The following VPS41 variants were observed in gnomAD, a reference collection of about 807,000 sequenced individuals.
VPS41 encodes the protein VPS41 subunit of HOPS complex, also known as vacuolar protein sorting-associated protein 41 homolog.
A neutral mutation model predicts 130.9 loss-of-function variants in VPS41; 85 were observed. The ratio of observed to expected loss-of-function variants is 0.65; its 90% CI spans 0.55 to 0.78. The LOEUF is 0.78. Ranked by LOEUF, VPS41 falls within the 30% of genes least tolerant of loss-of-function variation. VPS41 has a pLI of 0.00. For missense variants in VPS41, 874 were observed against 1,018.7 expected, an observed-to-expected ratio of 0.86 and a Z score of 1.93; for synonymous variants, 335 against 332.9, an observed-to-expected ratio of 1.01 and a Z score of -0.07.
At chr7:38,817,163 A>G (rs1473268416) in intron 7 of VPS41, among the ~76,000 whole-genome samples, 25 of 150,336 alleles carry the variant, frequency 1.7e-4, no homozygotes, top group Admixed American at 1.7e-3. Context: ...TTCTACAAGG[A>G]AAAAAAAAAT....
At chr7:38,901,986 G>A (rs901517596) in intron 1 of VPS41, among the ~76,000 whole-genome samples, 1 of 152,214 alleles carries the variant, frequency 6.6e-6, no homozygotes, top group African/African-American at 2.4e-5. Flanking sequence ...AAGATACCCA[G>A]TGACACAAAT....
At chr7:38,750,840 A>G (rs1168527407) in intron 22 of VPS41, among the ~76,000 whole-genome samples, 2 of 152,230 alleles carry the variant, frequency 1.3e-5, no homozygotes, top group African/African-American at 4.8e-5. Flanking sequence ...TCTCTGTCTC[A>G]GAGGTCAATG....
intron 7 of VPS41, among the ~76,000 whole-genome samples, chr7:38,806,082 T>C (rs547242547): frequency 5.9e-5 from 9 of 152,118 alleles, no homozygotes; most frequent in South Asian, 2.1e-4. Context: ...AATTCAAATA[T>C]ACTATAAAAT....
In VPS41 at chr7:38,726,214, T is replaced by C. The variant is rs1562561521; in HGVS notation, c.*32A>G. The C allele has an allele frequency of 5.5e-6, 8 of 1,467,704 alleles. No homozygotes were observed. The highest frequency in any genetic ancestry group is 1.4e-5 in the African/African-American group (1 of 72,138). The allele number at this position is 1,467,704 out of a possible 1,614,324, so 90.9% of individuals were successfully genotyped here. ...GTTGCAAAAACAGTCTCAAAAAGAGTGGTGACAAGGAGACTGACAAGGAGA... is the reference window on the plus strand; with the variant it reads ...GTTGCAAAAACAGTCTCAAAAAGAGCGGTGACAAGGAGACTGACAAGGAGA... On this transcript the variant is annotated 3_prime_UTR_variant, in exon 29 of 29. Transcript: ENST00000310301.
In VPS41 at chr7:38,850,239, G is replaced by A. The variant is rs184072467; in HGVS notation, c.246+12306C>T. On this transcript the variant is annotated intron_variant, in intron 4 of 28. Coordinates refer to ENST00000310301, the MANE Select transcript of VPS41 (RefSeq NM_014396.4). ...TTGCCAAGTTGATGGTTATAAAATG[G>A]TACCATATTGTCTTACTTCACATTT... Among the ~76,000 whole-genome samples the A allele has an allele frequency of 3.9e-5, 6 of 152,234 alleles. No homozygotes were observed. In the East Asian group the frequency reaches 1.2e-3, roughly 29 times the overall value.
At chr7:38,768,972 C>T (rs758154215) in intron 14 of VPS41, among the ~76,000 whole-genome samples, 3 of 138,340 alleles carry the variant, frequency 2.2e-5, no homozygotes, top group African/African-American at 7.0e-5. Context: ...TTCCCCTTCA[C>T]AGCTAACCTG....
chr7:38,893,312 C>T (rs191990192), intron 2 of VPS41, among the ~76,000 whole-genome samples: 4 of 152,332 alleles, frequency 2.6e-5, no homozygotes, highest in Admixed American at 2.6e-4. Context: ...CTCCCAGCTT[C>T]GCTGCCCAGA....
chr7:38,872,655 T>C (rs1379179284), intron 2 of VPS41, among the ~76,000 whole-genome samples: 1 of 152,208 alleles, frequency 6.6e-6, no homozygotes, highest in Admixed American at 6.5e-5. Context: ...TACACATTTC[T>C]ATGAAAAGGT....
At chr7:38,894,269 T>G (rs1172056891) in intron 2 of VPS41, among the ~76,000 whole-genome samples, 1 of 151,882 alleles carries the variant, frequency 6.6e-6, no homozygotes, top group East Asian at 1.9e-4. Flanking sequence ...TCAAACTGAG[T>G]AAAAAAACTC....
intron 4 of VPS41, among the ~76,000 whole-genome samples, chr7:38,834,279 C>A (rs1785447344): frequency 6.6e-6 from 1 of 152,144 alleles, no homozygotes; most frequent in Non-Finnish European, 1.5e-5. Flanking sequence ...AACATTTCTC[C>A]ATTTATTTAG....
At chr7:38,758,505 A>G (rs1562574875) in intron 17 of VPS41, 24 bp from the exon 18 acceptor site, 1 of 1,598,778 alleles carries the variant, frequency 6.3e-7, no homozygotes, top group Non-Finnish European at 8.5e-7. Flanking sequence ...AAAAACAGAA[A>G]AAGAACACTC....
chr7:38,733,210 C>T (rs1243843059), intron 25 of VPS41, among the ~76,000 whole-genome samples: 2 of 152,156 alleles, frequency 1.3e-5, no homozygotes, highest in African/African-American at 4.8e-5. Context: ...ATTTTGACTA[C>T]CAATGTAATT....
chr7:38,735,218 T>A (rs1239566460), intron 25 of VPS41, among the ~76,000 whole-genome samples: 1 of 152,180 alleles, frequency 6.6e-6, no homozygotes, highest in Non-Finnish European at 1.5e-5. Context: ...AAAGTTTATT[T>A]CATGAACATA....
chr7:38,728,602 C>A lies in VPS41; in HGVS notation c.2360-16G>T, dbSNP rs199675170. On this transcript the variant is annotated splice_polypyrimidine_tract_variant and intron_variant, in intron 26 of 28. Coordinates refer to ENST00000310301, the MANE Select transcript of VPS41 (RefSeq NM_014396.4). ...ATGTTCTCCTCTGTAAGAAAACACA[C>A]ATACTTTGGATTATGCCCTGTTTAT... 6.2e-7 allele frequency: 1 copy of A among 1,614,120 alleles called. No homozygotes were observed. The highest frequency in any genetic ancestry group is 1.3e-5 in the African/African-American group (1 of 75,034).
At chr7:38,797,119 A>C in intron 7 of VPS41, 1 of 321,480 alleles carries the variant, frequency 3.1e-6, no homozygotes, top group Non-Finnish European at 5.8e-6. Context: ...TGGCACCAAA[A>C]CACCAAGATT....
chr7:38,784,085 C>G (rs557223978), intron 10 of VPS41, among the ~76,000 whole-genome samples: 141 of 152,296 alleles, frequency 9.3e-4, no homozygotes, highest in Non-Finnish European at 1.5e-3. Context: ...AAAGAAACCA[C>G]TATTTTTCTC....
At chr7:38,750,514 T>G (rs968533058) in intron 22 of VPS41, among the ~76,000 whole-genome samples, 9 of 152,200 alleles carry the variant, frequency 5.9e-5, no homozygotes, top group Non-Finnish European at 4.4e-5. Context: ...CATAATTGGT[T>G]TTACTATGCT....
At chr7:38,765,697 T>A (rs774617075) in intron 15 of VPS41, 36 bp from the exon 16 acceptor site, 1 of 1,427,200 alleles carries the variant, frequency 7.0e-7, no homozygotes, top group Non-Finnish European at 9.6e-7. Context: ...AAAGAAAGTA[T>A]ATATTAAAAA....
chr7:38,880,166 T>A (rs1228166656), intron 2 of VPS41, among the ~76,000 whole-genome samples: 1 of 152,108 alleles, frequency 6.6e-6, no homozygotes, highest in African/African-American at 2.4e-5. Flanking sequence ...GAATGTGAAA[T>A]ACTAAAAATA....
Sources: allele counts gnomAD v4.1 joint callset (sites outside exome capture counted in the v4.1 genomes callset), GRCh38; gene constraint gnomAD v4.1.1; transcripts MANE v1.5; gene names NCBI Gene and HGNC (gene_info 2026-07-23, HGNC 2026-07-21).